Variants in PEX5L observed in about 807,000 individuals in gnomAD.
PEX5L encodes peroxisomal biogenesis factor 5 like, also known as PEX5-related protein.
A neutral mutation model predicts 84.0 loss-of-function variants in PEX5L; 30 were observed. The ratio of observed to expected loss-of-function variants is 0.36; its 90% CI spans 0.27 to 0.48. The LOEUF is 0.48. PEX5L is among the 20% of genes least tolerant of loss of function. PEX5L has a pLI of 0.99. For missense variants in PEX5L, 533 were observed against 754.6 expected (o/e 0.71, Z 3.44); for synonymous variants, 270 against 283.1 (o/e 0.95, Z 0.46).
chr3:180,021,209 A>C (rs1390050014), intron 1 of PEX5L, among the ~76,000 whole-genome samples: 1 of 152,180 alleles, frequency 6.6e-6, no homozygotes, highest in African/African-American at 2.4e-5. Flanking sequence ...AGAGAACATC[A>C]CTAGAGAAGG....
chr3:179,956,476 T>C (rs900839906), intron 2 of PEX5L, among the ~76,000 whole-genome samples: 5 of 152,286 alleles, frequency 3.3e-5, no homozygotes, highest in Non-Finnish European at 7.4e-5. Context: ...TTGCTTAGAC[T>C]TCAATATGGG....
chr3:179,843,626 T>A (rs1738136053), intron 8 of PEX5L, among the ~76,000 whole-genome samples: 1 of 152,212 alleles, frequency 6.6e-6, no homozygotes, highest in Admixed American at 6.5e-5. Flanking sequence ...ATATGGAAAT[T>A]GTCAATGAAA....
intron 2 of PEX5L, among the ~76,000 whole-genome samples, chr3:179,965,537 T>C (rs1172889760): frequency 6.6e-6 from 1 of 152,336 alleles, no homozygotes; most frequent in East Asian, 1.9e-4. Flanking sequence ...TCAGCTATCT[T>C]ACCTGCCTCT....
At chr3:180,031,431 T>C (rs774889003) in intron 1 of PEX5L, among the ~76,000 whole-genome samples, 1 of 152,196 alleles carries the variant, frequency 6.6e-6, no homozygotes, top group Admixed American at 6.5e-5. Context: ...TGGCCTTGGA[T>C]TCATGCAATA....
At chr3:180,018,945 T>G (rs1434164668) in intron 1 of PEX5L, among the ~76,000 whole-genome samples, 1 of 152,224 alleles carries the variant, frequency 6.6e-6, no homozygotes, top group Non-Finnish European at 1.5e-5. Flanking sequence ...GCCACTCTAT[T>G]AAAGGCATCA....
At position 179,875,471 on chromosome 3, in the gene PEX5L, T is replaced by C; in HGVS notation, c.512A>G (p.Gln171Arg). The C allele has an allele frequency of 1.2e-6, 2 of 1,612,440 alleles. No individual in the cohort carries two copies. Among genetic ancestry groups the C allele is most frequent in the Non-Finnish European group, 1.7e-6 (2 of 1,179,816 alleles). The change falls in exon 6 of 15, where the codon CAA (glutamine) becomes CGA (arginine). Residue 171 changes from glutamine to arginine, a missense_variant. Transcript: ENST00000467460. ...PETSSLDLDI[Q>R]TQLEKWDDVK... ...ATCGTCCCATTTTTCCAGTTGTGTT[T>C]GAATGTCTAGTAAGTACAGAGGAAG...
chr3:179,974,252 T>G (rs1785468663), intron 1 of PEX5L: 1 of 949,472 alleles, frequency 1.1e-6, no homozygotes, highest in Admixed American at 6.2e-5. Flanking sequence ...CTCTCCACCT[T>G]CCAAGTGTGA....
intron 1 of PEX5L, among the ~76,000 whole-genome samples, chr3:179,993,668 T>A (rs534117943): frequency 1.3e-5 from 2 of 151,842 alleles, no homozygotes; most frequent in Admixed American, 1.3e-4. Flanking sequence ...CCCGGCTAAT[T>A]TTTTTTGTAT....
intron 1 of PEX5L, among the ~76,000 whole-genome samples, chr3:179,977,516 A>C (rs1165105765): frequency 1.3e-5 from 2 of 152,184 alleles, no homozygotes; most frequent in African/African-American, 2.4e-5. Flanking sequence ...AAATATCCAC[A>C]GTGTCAACAC....
rs560696842 is a variant in PEX5L at position 180,007,216 on chromosome 3, G to A, written c.21+29363C>T. Among the ~76,000 whole-genome samples, 41 of 152,320 alleles carry A rather than the reference G, an allele frequency of 2.7e-4. No homozygotes were observed. In the South Asian group the frequency reaches 8.3e-3, roughly 31 times the overall value. On this transcript the variant is annotated intron_variant, in intron 1 of 14. Transcript: ENST00000467460. ...AAAACGAACGGGTAACAGGACCCAT[G>A]CAAGTCCAAAATCCAGTGGGGCAGT...
intron 1 of PEX5L, among the ~76,000 whole-genome samples, chr3:180,016,661 C>A (rs1789975480): frequency 6.6e-6 from 1 of 152,168 alleles, no homozygotes; most frequent in African/African-American, 2.4e-5. Flanking sequence ...GACCTTCACC[C>A]ATGAAGTGAA....
chr3:180,019,839 G>A (rs772782262), intron 1 of PEX5L, among the ~76,000 whole-genome samples: 2 of 152,112 alleles, frequency 1.3e-5, no homozygotes, highest in Non-Finnish European at 2.9e-5. Flanking sequence ...TTATCAACTG[G>A]ATAATGTCCC....
intron 8 of PEX5L, among the ~76,000 whole-genome samples, chr3:179,838,035 C>T (rs532038429): frequency 1.3e-5 from 2 of 152,298 alleles, no homozygotes; most frequent in African/African-American, 2.4e-5. Context: ...AAATACCTAC[C>T]TTGGCCTTCC....
intron 8 of PEX5L, among the ~76,000 whole-genome samples, chr3:179,824,996 G>A (rs957148152): frequency 3.3e-5 from 5 of 152,234 alleles, no homozygotes; most frequent in Admixed American, 6.5e-5. Context: ...CATCACAGAT[G>A]TGCAGTGTTC....
chr3:179,963,989 A>G (rs891828931), intron 2 of PEX5L, among the ~76,000 whole-genome samples: 1 of 152,134 alleles, frequency 6.6e-6, no homozygotes, highest in African/African-American at 2.4e-5. Flanking sequence ...TCAGGGGTAC[A>G]TGTACAGGTT....
intron 8 of PEX5L, among the ~76,000 whole-genome samples, chr3:179,855,557 C>A (rs895341769): frequency 6.6e-6 from 1 of 152,070 alleles, no homozygotes; most frequent in Non-Finnish European, 1.5e-5. Flanking sequence ...ATCCAGCCAC[C>A]CAAGAATAAC....
At chr3:179,903,755 T>G (rs966981060) in intron 2 of PEX5L, among the ~76,000 whole-genome samples, 1 of 152,230 alleles carries the variant, frequency 6.6e-6, no homozygotes, top group African/African-American at 2.4e-5. Context: ...TATTTTGCAG[T>G]GTCCTTTCCC....
chr3:179,893,017 C>CT (rs1312969313), intron 3 of PEX5L, among the ~76,000 whole-genome samples: 1 of 152,068 alleles, frequency 6.6e-6, no homozygotes, highest in Non-Finnish European at 1.5e-5. Flanking sequence ...AAGGAAAACT[C>CT]TTTTGTTTAG....
chr3:179,815,701 C>T (rs1218923746), intron 10 of PEX5L, among the ~76,000 whole-genome samples, 160 bp downstream of exon 10: 2 of 152,170 alleles, frequency 1.3e-5, no homozygotes, highest in Non-Finnish European at 2.9e-5. Context: ...GGTTAGAAAA[C>T]GGGTACTTAT....
Sources: gnomAD v4.1 joint callset for allele counts (sites outside exome capture counted in the v4.1 genomes callset) on GRCh38, gnomAD v4.1.1 for gene constraint, MANE v1.5 for transcripts, NCBI Gene and HGNC (gene_info 2026-07-23, HGNC 2026-07-21) for gene names.